The following IMMT variants were observed in gnomAD, a reference collection of about 807,000 sequenced individuals.
IMMT encodes inner membrane mitochondrial protein, also known as MICOS complex subunit MIC60.
Under a neutral mutation model 92.7 loss-of-function variants are expected in IMMT, and 40 were observed. That is an observed-to-expected ratio of 0.43 (90% CI 0.34 to 0.56). The LOEUF (loss-of-function observed/expected upper bound fraction) is 0.56, where lower values mean the gene tolerates loss of function less well. IMMT is among the 20% of genes least tolerant of loss of function. The pLI, the probability that IMMT is intolerant of heterozygous loss-of-function variation, is 0.03. For missense variants in IMMT, 831 were observed against 912.1 expected (o/e 0.91, Z 1.14); for synonymous variants, 322 against 336.1 (o/e 0.96, Z 0.46).
intron 10 of IMMT, among the ~76,000 whole-genome samples, chr2:86,156,502 G>A (rs1452439314): frequency 1.3e-5 from 2 of 150,784 alleles, no homozygotes; most frequent in East Asian, 2.0e-4. Flanking sequence ...GCTGTGGCAG[G>A]AGAATCGCTT....
chr2:86,155,737 T>C (rs1013498971), intron 10 of IMMT, among the ~76,000 whole-genome samples: 2 of 152,088 alleles, frequency 1.3e-5, no homozygotes, highest in African/African-American at 2.4e-5. Flanking sequence ...AAGAGCAAAA[T>C]GCCTCATAAC....
intron 3 of IMMT, among the ~76,000 whole-genome samples, chr2:86,174,176 G>T (rs1468567509): frequency 6.6e-6 from 1 of 152,160 alleles, no homozygotes; most frequent in Non-Finnish European, 1.5e-5. Context: ...AAATACAAAT[G>T]AATTTTGTTT....
At chr2:86,161,906 C>T in intron 8 of IMMT, 70 bp downstream of exon 8, 3 of 946,768 alleles carry the variant, frequency 3.2e-6, no homozygotes, top group South Asian at 1.4e-5. Context: ...ACAGACAATA[C>T]AAAGAAAACC....
At chr2:86,184,334 G>A (rs1313055860) in intron 1 of IMMT, among the ~76,000 whole-genome samples, 1 of 151,796 alleles carries the variant, frequency 6.6e-6, no homozygotes, top group East Asian at 1.9e-4. Context: ...ACCATACCCA[G>A]CTAATATTTT....
intron 6 of IMMT, among the ~76,000 whole-genome samples, chr2:86,166,869 G>T (rs909059015): frequency 7.9e-5 from 12 of 152,020 alleles, no homozygotes; most frequent in African/African-American, 2.7e-4. Flanking sequence ...GGAGGCCGAG[G>T]CGGGCGTATC....
At chr2:86,193,685 T>C (rs1240062382) in intron 1 of IMMT, among the ~76,000 whole-genome samples, 2 of 151,960 alleles carry the variant, frequency 1.3e-5, no homozygotes, top group Non-Finnish European at 2.9e-5. Flanking sequence ...AAGCCAAAAG[T>C]ACAAAGAGCC....
At chr2:86,193,500 AG>A (rs1332767543) in intron 1 of IMMT, among the ~76,000 whole-genome samples, 1 of 152,124 alleles carries the variant, frequency 6.6e-6, no homozygotes, top group Non-Finnish European at 1.5e-5. Flanking sequence ...AAATACGACG[AG>A]GCTAGAGAGT....
intron 1 of IMMT, among the ~76,000 whole-genome samples, chr2:86,191,117 G>A (rs1392857983): frequency 1.3e-5 from 2 of 152,032 alleles, no homozygotes; most frequent in African/African-American, 4.8e-5. Context: ...AGGCAAAGGC[G>A]GGTGGATTGC....
intron 6 of IMMT, among the ~76,000 whole-genome samples, chr2:86,169,639 TTA>T (rs1470466790): frequency 6.6e-6 from 1 of 151,996 alleles, no homozygotes; most frequent in Admixed American, 6.6e-5. Context: ...GTACAAAAAA[TTA>T]TGTTACATGT....
chr2:86,185,690 G>T (rs1246493515), intron 1 of IMMT, among the ~76,000 whole-genome samples: 1 of 152,152 alleles, frequency 6.6e-6, no homozygotes, highest in Non-Finnish European at 1.5e-5. Context: ...CCACAAACTT[G>T]TTGAGAATTG....
rs764662628 is a variant in IMMT, at chr2:86,153,548, C to T, written c.1177+12G>A. 6 of 1,451,196 alleles carry T rather than the reference C, an allele frequency of 4.1e-6. No individual in the cohort carries two copies. The South Asian group carries it at 8.0e-5, about 19-fold the overall frequency. The allele number at this position is 1,451,196 out of a possible 1,614,324, so 89.9% of individuals were successfully genotyped here. A position where few individuals can be genotyped will look rare whatever the true frequency, so the allele number is the denominator to read the frequency against. ...CAAAAGACTTTAAACATGAAATATA[C>T]ATAACACTCACCTAAGTCTGAAACA... On this transcript the variant is annotated intron_variant, in intron 11 of 14. Coordinates refer to ENST00000410111, the MANE Select transcript of IMMT (RefSeq NM_006839.3).
At chr2:86,175,843 G>A (rs1677396766) in intron 3 of IMMT, among the ~76,000 whole-genome samples, 1 of 152,080 alleles carries the variant, frequency 6.6e-6, no homozygotes, top group East Asian at 1.9e-4. Flanking sequence ...GCGAAGGAAA[G>A]GAAGTCATTC....
At chr2:86,152,261 T>A (rs113171420) in intron 11 of IMMT, among the ~76,000 whole-genome samples, 8,364 of 151,816 alleles carry the variant, frequency 0.055, 796 homozygotes, top group African/African-American at 0.19. Context: ...GCCAACCTGG[T>A]GAAACTCCGT....
chr2:86,143,957 C>A lies in IMMT; in HGVS notation c.*311G>T. 2.4e-6 allele frequency: 1 copy of A among 415,252 alleles called. No individual in the cohort carries two copies. The highest frequency in any genetic ancestry group is 4.4e-6 in the Non-Finnish European group (1 of 226,142). The allele number at this position is 415,252 out of a possible 1,614,324, so 25.7% of individuals were successfully genotyped here. ...TCAGTTTTCATCTTGTTGCTTTATT[C>A]AGTTTGCTCCGAGGGCAAAATCAAC... On this transcript the variant is annotated 3_prime_UTR_variant, in exon 15 of 15. Coordinates refer to ENST00000410111, the MANE Select transcript of IMMT (RefSeq NM_006839.3).
chr2:86,187,468 G>A (rs1672851716), intron 1 of IMMT, among the ~76,000 whole-genome samples: 1 of 152,156 alleles, frequency 6.6e-6, no homozygotes, highest in African/African-American at 2.4e-5. Context: ...CCAGTCATCA[G>A]TTAATGGACA....
chr2:86,161,390 G>C (rs1488616201), intron 8 of IMMT, among the ~76,000 whole-genome samples: 1 of 151,640 alleles, frequency 6.6e-6, no homozygotes, highest in Admixed American at 6.6e-5. Context: ...CAAACTCTTG[G>C]TCTCAAGTGA....
intron 7 of IMMT, among the ~76,000 whole-genome samples, chr2:86,165,352 C>T (rs1348357269): frequency 6.6e-6 from 1 of 152,202 alleles, no homozygotes; most frequent in Non-Finnish European, 1.5e-5. Flanking sequence ...TTCCACTTTG[C>T]TGACTGAACT....
intron 3 of IMMT, among the ~76,000 whole-genome samples, chr2:86,174,656 C>T (rs1016224022): frequency 6.6e-6 from 1 of 152,106 alleles, no homozygotes; most frequent in Non-Finnish European, 1.5e-5. Context: ...CAAAAGCTCT[C>T]GTATATACAC....
At chr2:86,152,459 G>C (rs1412501883) in intron 11 of IMMT, among the ~76,000 whole-genome samples, 1 of 80,728 alleles carries the variant, frequency 1.2e-5, no homozygotes, top group Non-Finnish European at 2.8e-5. Flanking sequence ...AAAAAAAAAA[G>C]AGAGAATTAT....
Sources: gnomAD v4.1 joint callset for allele counts (sites outside exome capture counted in the v4.1 genomes callset) on GRCh38, gnomAD v4.1.1 for gene constraint, MANE v1.5 for transcripts, NCBI Gene and HGNC (gene_info 2026-07-23, HGNC 2026-07-21) for gene names.